The following TTC21B variants were observed in gnomAD, a reference collection of about 807,000 sequenced individuals.
The protein encoded by TTC21B is tetratricopeptide repeat protein 21B.
Under a neutral mutation model 175.1 loss-of-function variants are expected in TTC21B, and 127 were observed. The observed-to-expected ratio is 0.73, with a 90% CI of 0.63 to 0.84. TTC21B has a LOEUF of 0.84. TTC21B is among the 40% of genes least tolerant of loss of function. The pLI is 0.00. For synonymous variants in TTC21B, 524 were observed against 524.5 expected (o/e 1.00, Z 0.01); for missense variants, 1,561 against 1,558.3 (o/e 1.00, Z -0.03).
chr2:165,916,212 A>G (rs1438093746), intron 14 of TTC21B, among the ~76,000 whole-genome samples: 3 of 152,230 alleles, frequency 2.0e-5, no homozygotes, highest in Non-Finnish European at 4.4e-5. Flanking sequence ...GCAGTGAGCT[A>G]TGATTGTATC....
chr2:165,943,335 C>T lies in TTC21B; in HGVS notation c.436G>A (p.Val146Ile), dbSNP rs373074238. 18 of 1,605,460 alleles carry T rather than the reference C, an allele frequency of 1.1e-5. No homozygotes were observed. The highest frequency in any genetic ancestry group is 5.5e-5 in the South Asian group (5 of 90,690). ...KISDGSKQGH[V>I]LKAWLDITRG... ...GTAATATCAAGCCATGCTTTCAAAA[C>T]GTGTCCCTGTAAAATGAATAATTCT... Residue 146 changes from valine (V) to isoleucine (I), a missense_variant, in exon 5 of 29, where the codon GTT (valine) becomes ATT (isoleucine). Val to Ile is a conservative substitution (Grantham distance 29). Transcript: ENST00000243344.
chr2:165,940,389 ATCCTT>A (rs1466172481), intron 6 of TTC21B, among the ~76,000 whole-genome samples: 1 of 151,996 alleles, frequency 6.6e-6, no homozygotes, highest in Admixed American at 6.6e-5. Flanking sequence ...AAAACCCCAA[ATCCTT>A]ACATGGGTAA....
intron 10 of TTC21B, 84 bp downstream of exon 10, chr2:165,929,566 C>A: frequency 9.7e-7 from 1 of 1,027,918 alleles, no homozygotes; most frequent in South Asian, 1.3e-5. Context: ...GCTTTACAGC[C>A]ATTACAAAAC....
intron 3 of TTC21B, chr2:165,947,193 T>TATATATATATATATATATA (rs61351063): frequency 3.3e-4 from 44 of 134,682 alleles, no homozygotes; most frequent in African/African-American, 5.1e-4. Flanking sequence ...TATATATATA[T>TATATATATATATATATATA]TAGTATCTGC....
intron 18 of TTC21B, among the ~76,000 whole-genome samples, chr2:165,908,860 T>C (rs1685834425): frequency 6.6e-6 from 1 of 152,160 alleles, no homozygotes; most frequent in African/African-American, 2.4e-5. Flanking sequence ...TTCAAGTGTT[T>C]CAAAAGAAGA....
At chr2:165,921,129 A>G (rs1473984495) in intron 12 of TTC21B, among the ~76,000 whole-genome samples, 1 of 152,132 alleles carries the variant, frequency 6.6e-6, no homozygotes, top group East Asian at 1.9e-4. Context: ...TATGCTAAAG[A>G]TATGACTTGG....
intron 14 of TTC21B, 27 bp downstream of exon 14, chr2:165,917,230 G>A (rs777053439): frequency 4.4e-6 from 7 of 1,587,762 alleles, no homozygotes; most frequent in Non-Finnish European, 3.5e-6. Context: ...GTTCACATCC[G>A]AGCCCTTAAA....
intron 4 of TTC21B, among the ~76,000 whole-genome samples, chr2:165,943,715 G>A (rs191567835): frequency 2.4e-4 from 37 of 152,158 alleles, no homozygotes; most frequent in African/African-American, 6.3e-4. Context: ...TGGACAAACC[G>A]TCTAAATGAA....
intron 21 of TTC21B, among the ~76,000 whole-genome samples, chr2:165,899,508 C>A (rs1685481690): frequency 6.6e-6 from 1 of 152,048 alleles, no homozygotes; most frequent in Admixed American, 6.6e-5. Flanking sequence ...TCCACCTGAC[C>A]AAGCATCCCC....
At chr2:165,896,642 A>G (rs944782244) in intron 22 of TTC21B, among the ~76,000 whole-genome samples, 2 of 152,198 alleles carry the variant, frequency 1.3e-5, no homozygotes. Flanking sequence ...GCAAAGGCAC[A>G]AAAGAAAATG....
At chr2:165,916,386 C>T (rs772737378) in intron 14 of TTC21B, among the ~76,000 whole-genome samples, 13 of 152,162 alleles carry the variant, frequency 8.5e-5, no homozygotes, top group South Asian at 4.1e-4. Flanking sequence ...CCTAAAACAA[C>T]GGATACAAAT....
intron 3 of TTC21B, among the ~76,000 whole-genome samples, chr2:165,946,817 A>G (rs1278258729): frequency 2.0e-5 from 3 of 152,114 alleles, no homozygotes; most frequent in African/African-American, 7.2e-5. Context: ...CAGCCTGGGC[A>G]ACAGAGGAGG....
chr2:165,898,545 C>A (rs1048834947), intron 22 of TTC21B, 141 bp downstream of exon 22: 5 of 713,722 alleles, frequency 7.0e-6, no homozygotes, highest in Non-Finnish European at 1.3e-5. Flanking sequence ...ATTTCAGCTA[C>A]TCAAGCCCAT....
chr2:165,876,072 T>A (rs1378022281), intron 28 of TTC21B, 93 bp downstream of exon 28: 2 of 766,974 alleles, frequency 2.6e-6, no homozygotes, highest in Non-Finnish European at 4.6e-6. Flanking sequence ...AAATAATGTA[T>A]CCTCTATTTC....
chr2:165,937,047 G>C (rs752555706), intron 6 of TTC21B, among the ~76,000 whole-genome samples: 3 of 152,026 alleles, frequency 2.0e-5, no homozygotes, highest in Non-Finnish European at 2.9e-5. Context: ...AAGCAATCAA[G>C]ATGTCCTTCA....
At position 165,913,597 on chromosome 2, in the gene TTC21B, C is replaced by T; in HGVS notation, c.2188G>A (p.Asp730Asn). Residue 730 changes from aspartate to asparagine, a missense_variant, in exon 16 of 29, where the codon GAT becomes AAT. Asp to Asn is a conservative substitution (Grantham distance 23, BLOSUM62 1). Coordinates refer to ENST00000243344, the MANE Select transcript of TTC21B (RefSeq NM_024753.5). ...ANPRSFLLLG[D>N]AYMNILEPEE... ...ACCTCTAGAATATTCATGTATGCATCACCAAGGAGAAGAAAAGACCGAGGG... is the reference window on the plus strand; with the variant it reads ...ACCTCTAGAATATTCATGTATGCATTACCAAGGAGAAGAAAAGACCGAGGG... 6.2e-7 allele frequency: 1 copy of T among 1,612,984 alleles called. No homozygotes were observed. The highest frequency in any genetic ancestry group is 8.5e-7 in the Non-Finnish European group (1 of 1,179,240).
At chr2:165,919,842 A>G (rs10179129) in intron 12 of TTC21B, among the ~76,000 whole-genome samples, 50,392 of 152,078 alleles carry the variant, frequency 0.33, 8,667 homozygotes, top group Non-Finnish European at 0.39. Flanking sequence ...AACAAAGAGG[A>G]TATCAGTCTA....
At position 165,880,704 on chromosome 2, in the gene TTC21B, A is replaced by C. The variant is rs769230631; in HGVS notation, c.3780T>G (p.Tyr1260Ter). The change falls in exon 27 of 29, where the codon TAT (tyrosine) becomes TAG (stop). Residue 1260 changes from tyrosine (Y) to a stop codon, truncating the protein, a stop_gained. Transcript: ENST00000243344. LOFTEE classifies it high-confidence loss of function. ...AALNYEMAWK[Y>*]SNRTNPAVGY... ...CTACTGCCGGATTTGTCCGATTGCT[A>C]TATTTCCATGCCATCTCATAGTTCA... The C allele has an allele frequency of 4.3e-6, 7 of 1,613,640 alleles. No homozygotes were observed. Among genetic ancestry groups the C allele is most frequent in the Non-Finnish European group, 5.9e-6 (7 of 1,179,798 alleles).
intron 27 of TTC21B, among the ~76,000 whole-genome samples, chr2:165,879,020 G>T (rs1490118804): frequency 6.6e-6 from 1 of 152,122 alleles, no homozygotes; most frequent in African/African-American, 2.4e-5. Context: ...AACTGAAAAA[G>T]TGAAATACAT....
Sources: allele counts gnomAD v4.1 joint callset (sites outside exome capture counted in the v4.1 genomes callset), GRCh38; gene constraint gnomAD v4.1.1; transcripts MANE v1.5; gene names NCBI Gene and HGNC (gene_info 2026-07-23, HGNC 2026-07-21).